SIGIRR: variants seen among roughly 807,000 people sequenced by gnomAD.
SIGIRR encodes the protein single Ig IL-1-related receptor.
Under a neutral mutation model 45.6 loss-of-function variants are expected in SIGIRR, and 41 were observed. The ratio of observed to expected loss-of-function variants is 0.90; its 90% CI spans 0.70 to 1.17. SIGIRR has a LOEUF of 1.17. Among genes scored for constraint, SIGIRR ranks in the 50% most tolerant of loss-of-function variants. SIGIRR has a pLI of 0.00. For synonymous variants in SIGIRR, 298 were observed against 239.0 expected (o/e 1.25, Z -2.28); for missense variants, 599 against 539.6 (o/e 1.11, Z -1.09).
At chr11:415,188 G>A (rs75354143), upstream of SIGIRR, among the ~76,000 whole-genome samples, 780 of 143,344 alleles carry the variant, frequency 5.4e-3, 8 homozygotes, top group African/African-American at 0.019. The surrounding 1 kb of genome is among the most constrained non-coding windows in gnomAD (Gnocchi z 6.6). Context: ...ACCCAGGCAC[G>A]GCACTTTCCT....
chr11:415,337 T>G, upstream of SIGIRR, among the ~76,000 whole-genome samples: 3 of 142,954 alleles, frequency 2.1e-5, no homozygotes, highest in African/African-American at 5.3e-5. The surrounding 1 kb of genome is among the most constrained non-coding windows in gnomAD (Gnocchi z 6.6). Flanking sequence ...GGGTGGGGGG[T>G]GCTCAAAGGG....
chr11:407,301 C>A, intron 6 of SIGIRR, 124 bp downstream of exon 6: 4 of 684,458 alleles, frequency 5.8e-6, no homozygotes, highest in East Asian at 7.3e-5. Context: ...GAGGCGGGGC[C>A]TCGGGTGGGC....
chr11:408,277 G>A lies in SIGIRR; in HGVS notation c.207-71C>T. The A allele has an allele frequency of 2.6e-6, 4 of 1,565,558 alleles. No homozygotes were observed. The South Asian group carries it at 4.7e-5, about 18-fold the overall frequency. On this transcript the variant is annotated intron_variant, in intron 3 of 9. Transcript: ENST00000431843. ...GACACCCCCGAACCCCACCTGTCTG[G>A]GTTCACCCAGGGAGGCTGCAGAATT...
intron 6 of SIGIRR, 59 bp from the exon 7 acceptor site, chr11:407,223 G>GGCTCAGGGGCGGTGCCGGAC (rs1847366335): frequency 1.9e-6 from 2 of 1,060,418 alleles, no homozygotes; most frequent in Middle Eastern, 6.6e-4. Flanking sequence ...CGGGGCCGGA[G>GGCTCAGGGGCGGTGCCGGAC]GCTCAGGGGC....
Position 406,938 on chromosome 11 carries a change from C to T in SIGIRR, c.784G>A (p.Glu262Lys), listed in dbSNP as rs1243324399. ...TGCGCGGGGTCGCGCCTCTGGCCCTCGAAGGTGATGAAGATGGGTCTGCGG... is the reference window on the plus strand; with the variant it reads ...TGCGCGGGGTCGCGCCTCTGGCCCTTGAAGGTGATGAAGATGGGTCTGCGG... Reference protein sequence around the residue: ...LTRRPIFITFEGQRRDPAHPA... With the variant: ...LTRRPIFITFKGQRRDPAHPA... The change falls in exon 8 of 10, where the codon GAG becomes AAG. Residue 262 changes from glutamate to lysine, a missense_variant. Physicochemically the swap from Glu to Lys is moderately conservative, Grantham distance 56 (BLOSUM62 1). Coordinates refer to ENST00000431843, the MANE Select transcript of SIGIRR (RefSeq NM_001135054.2). 1 of 1,601,334 alleles carries T rather than the reference C, an allele frequency of 6.2e-7. No homozygotes were observed. Among genetic ancestry groups the T allele is most frequent in the Admixed American group, 1.7e-5 (1 of 59,452 alleles).
intron 1 of SIGIRR, among the ~76,000 whole-genome samples, chr11:413,614 G>A (rs796159801): frequency 5.9e-5 from 9 of 151,826 alleles, no homozygotes; most frequent in African/African-American, 1.9e-4. Context: ...AAGAAAGCAG[G>A]TGCCCTCCCC....
chr11:407,127 G>A lies in SIGIRR; in HGVS notation c.663C>T (p.Cys221=), dbSNP rs1439936844. ...SADLLVNLSR[C]RRLIVVLSDA... is the part of the protein sequence containing the mutation. ...CCGAAAGCACCACGATGAGGCGTCG[G>A]CAGCGGCTCAGGTTCACCAAGAGGT... is the stretch of plus-strand genomic sequence containing the variant. The change falls in exon 7 of 10, where the codon TGC becomes TGT. Residue 221 remains cysteine, a synonymous_variant. Transcript: ENST00000431843. The A allele has an allele frequency of 5.1e-6, 8 of 1,560,978 alleles. No individual in the cohort carries two copies. The highest frequency in any genetic ancestry group is 5.2e-6 in the Non-Finnish European group (6 of 1,160,588).
At chr11:406,239 G>C in intron 9 of SIGIRR, 110 bp downstream of exon 9, 1 of 1,543,614 alleles carries the variant, frequency 6.5e-7, no homozygotes, top group Non-Finnish European at 8.7e-7. Flanking sequence ...CCCGGTGCCG[G>C]GAAGAGTCCT....
At chr11:411,025 GGGGA>G (rs1847586840) in intron 1 of SIGIRR, among the ~76,000 whole-genome samples, 1 of 9,646 alleles carries the variant, frequency 1.0e-4, no homozygotes, top group African/African-American at 5.8e-4. Flanking sequence ...GAATGCAGTC[GGGGA>G]GGGGGGTGCC....
At chr11:410,460 G>A (rs1847534296) in intron 1 of SIGIRR, among the ~76,000 whole-genome samples, 1 of 152,168 alleles carries the variant, frequency 6.6e-6, no homozygotes, top group Admixed American at 6.5e-5. Flanking sequence ...CTACACCATG[G>A]GAGATGCCCA....
In SIGIRR at chr11:410,620, G is replaced by GGT. The variant is rs1491367200; in HGVS notation, c.-153-594_-153-593insAC. 2.3e-3 allele frequency among the ~76,000 whole-genome samples: 40 copies of GGT among 17,038 alleles called. 1 individual carries two copies. The highest frequency in any genetic ancestry group is 3.8e-3 in the Non-Finnish European group (36 of 9,404). 11.2% of individuals were successfully genotyped at this position (17,038 alleles called of 152,430 possible). A position where few individuals can be genotyped will look rare whatever the true frequency, so the allele number is the denominator to read the frequency against. ...GCTCTGACCATGTCTGGATGCAGTC[G>GGT]GGGGGGGGGGGTGCCCAGCTCTGAC... is the stretch of plus-strand genomic sequence containing the variant. On this transcript the variant is annotated intron_variant, in intron 1 of 9. Transcript: ENST00000431843.
upstream of SIGIRR, among the ~76,000 whole-genome samples, chr11:415,457 C>T (rs572652594): frequency 3.9e-5 from 6 of 152,106 alleles, no homozygotes; most frequent in South Asian, 2.1e-4. This position sits in a 1 kb window ranked among gnomAD's most constrained non-coding sequence, Gnocchi z 6.6. Flanking sequence ...GCCTTCCAGA[C>T]GCTACTAGAG....
At position 407,106 on chromosome 11, in the gene SIGIRR, A is replaced by C. The variant is rs1403644286; in HGVS notation, c.684T>G (p.Leu228=). The C allele has an allele frequency of 3.3e-6, 5 of 1,526,026 alleles. No individual in the cohort carries two copies. The highest frequency in any genetic ancestry group is 3.9e-5 in the Admixed American group (2 of 51,638). 94.5% of individuals were successfully genotyped at this position (1,526,026 alleles called of 1,614,324 possible). ...LSRCRRLIVV[L]SDAFLSRAWC... is the part of the protein sequence containing the mutation. ...AGGCCCGGCTCAGGAAGGCGTCCGA[A>C]AGCACCACGATGAGGCGTCGGCAGC... Residue 228 remains leucine (L), a synonymous_variant, in exon 7 of 10, where the codon CTT becomes CTG. Coordinates refer to ENST00000431843, the MANE Select transcript of SIGIRR (RefSeq NM_001135054.2).
chr11:413,459 T>C (rs377522260), intron 1 of SIGIRR, among the ~76,000 whole-genome samples: 2 of 151,352 alleles, frequency 1.3e-5, no homozygotes, highest in Non-Finnish European at 1.5e-5. Flanking sequence ...GCCCGGGAGG[T>C]CACACCGCCA....
At chr11:409,092 C>G in intron 2 of SIGIRR, 199 bp from the exon 3 acceptor site, 1 of 612,222 alleles carries the variant, frequency 1.6e-6, no homozygotes, top group Non-Finnish European at 2.9e-6. Flanking sequence ...GGTGTTCCGC[C>G]CACCCTGTGC....
chr11:411,742 C>T (rs1427710343), intron 1 of SIGIRR, among the ~76,000 whole-genome samples: 1 of 113,848 alleles, frequency 8.8e-6, no homozygotes, highest in African/African-American at 3.2e-5. Flanking sequence ...CAGCTCTGAC[C>T]ATGTCTGGAT....
chr11:406,630 G>T lies in SIGIRR; in HGVS notation c.880-92C>A, dbSNP rs1360613396. ...AAGAGCACACCTGCGGCTGCCCACG[G>T]GTTCCACGCCCTGCGACAGCTATTC... On this transcript the variant is annotated intron_variant, in intron 8 of 9. Transcript: ENST00000431843. The T allele has an allele frequency of 3.4e-6, 5 of 1,469,460 alleles. No homozygotes were observed. In the Admixed American group the frequency reaches 7.5e-5, roughly 22 times the overall value. 91.0% of individuals were successfully genotyped at this position (1,469,460 alleles called of 1,614,324 possible).
upstream of SIGIRR, among the ~76,000 whole-genome samples, chr11:416,063 C>T (rs1847872033): frequency 6.6e-6 from 1 of 152,178 alleles, no homozygotes; most frequent in African/African-American, 2.4e-5. This position sits in a 1 kb window ranked among gnomAD's most constrained non-coding sequence, Gnocchi z 9.1. Flanking sequence ...GGGCCTTGGG[C>T]TCAGGGTCCC....
In SIGIRR at chr11:407,119, A is replaced by ACTTC; in HGVS notation, c.670_671insGAAG (p.Leu224ArgfsTer118). 4 of 1,520,578 alleles carry ACTTC rather than the reference A, an allele frequency of 2.6e-6. No homozygotes were observed. The highest frequency in any genetic ancestry group is 1.5e-5 in the African/African-American group (1 of 67,660). 94.2% of individuals were successfully genotyped at this position (1,520,578 alleles called of 1,614,324 possible). ...GAAGGCGTCCGAAAGCACCACGATG[A>ACTTC]GGCGTCGGCAGCGGCTCAGGTTCAC... On this transcript the variant is annotated frameshift_variant, in exon 7 of 10. Coordinates refer to ENST00000431843, the MANE Select transcript of SIGIRR (RefSeq NM_001135054.2). LOFTEE classifies it high-confidence loss of function.
Sources: allele counts gnomAD v4.1 joint callset (sites outside exome capture counted in the v4.1 genomes callset), GRCh38; gene constraint gnomAD v4.1.1; non-coding constraint Gnocchi (gnomAD v3.1); transcripts MANE v1.5; gene names NCBI Gene and HGNC (gene_info 2026-07-23, HGNC 2026-07-21).